AAMDC: variants seen among roughly 807,000 people sequenced by gnomAD.
The protein encoded by AAMDC is adipogenesis associated Mth938 domain containing.
Under a neutral mutation model 15.5 loss-of-function variants are expected in AAMDC, and 16 were observed. The ratio of observed to expected loss-of-function variants is 1.03; its 90% confidence interval spans 0.70 to 1.57. The LOEUF (loss-of-function observed/expected upper bound fraction) is 1.57, where lower values mean the gene tolerates loss of function less well. Among genes scored for constraint, AAMDC ranks in the 40% most tolerant of loss-of-function variants. AAMDC has a pLI of 0.00. For synonymous variants in AAMDC, 51 were observed against 51.6 expected (o/e 0.99, Z 0.05); for missense variants, 141 against 144.9 (o/e 0.97, Z 0.14).
At chr11:77,878,690 A>G (rs1330825539) in intron 5 of AAMDC, 2 of 685,126 alleles carry the variant, frequency 2.9e-6, no homozygotes, top group African/African-American at 1.8e-5. Context: ...AGCCACACGC[A>G]TTTCTTTACA....
At chr11:77,893,242 T>C (rs1388544356) in intron 5 of AAMDC, among the ~76,000 whole-genome samples, 2 of 152,242 alleles carry the variant, frequency 1.3e-5, no homozygotes, top group Non-Finnish European at 2.9e-5. Flanking sequence ...AAAATACATG[T>C]ATTCTACAAA....
rs551413410 is a variant in AAMDC at position 77,855,646 on chromosome 11, C to T, written c.132+13018C>T. Among the ~76,000 whole-genome samples the T allele has an allele frequency of 2.0e-3, 306 of 151,492 alleles. 2 individuals carry two copies. The highest frequency in any genetic ancestry group is 4.4e-4 in the Non-Finnish European group (30 of 67,846). The stretch of plus-strand genomic sequence containing the variant: ...GCCTGGCCTTTTTTTTCTTTTATGC[C>T]ACATGACCAGGCTGCAAATTTTTCA... On this transcript the variant is annotated intron_variant, in intron 2 of 3. Transcript: ENST00000393427.
chr11:77,871,213 A>T (rs1951417389), intron 3 of AAMDC, among the ~76,000 whole-genome samples: 1 of 152,222 alleles, frequency 6.6e-6, no homozygotes, highest in Non-Finnish European at 1.5e-5. Flanking sequence ...AGGGCATATT[A>T]AAAAATATTT....
At chr11:77,871,269 A>T (rs1951419149) in intron 3 of AAMDC, among the ~76,000 whole-genome samples, 1 of 152,328 alleles carries the variant, frequency 6.6e-6, no homozygotes, top group South Asian at 2.1e-4. Context: ...ATCTATTTTT[A>T]AAAAATATTC....
intron 2 of AAMDC, among the ~76,000 whole-genome samples, chr11:77,849,059 T>TG (rs1440054114): frequency 6.6e-6 from 1 of 150,504 alleles, no homozygotes; most frequent in African/African-American, 2.4e-5. Context: ...TTTTTAAAGA[T>TG]GGGGTCTCAC....
intron 1 of AAMDC, among the ~76,000 whole-genome samples, chr11:77,821,804 G>A (rs949033050): frequency 2.0e-5 from 3 of 152,268 alleles, no homozygotes; most frequent in African/African-American, 7.2e-5. Context: ...TGTGCAGCCT[G>A]AGAAGCAGCA....
intron 5 of AAMDC, among the ~76,000 whole-genome samples, chr11:77,894,636 G>C (rs1350463943): frequency 2.0e-5 from 3 of 152,198 alleles, no homozygotes; most frequent in Non-Finnish European, 4.4e-5. Flanking sequence ...CAGGAGAGAA[G>C]CATAGCATGT....
intron 5 of AAMDC, chr11:77,883,907 C>T: frequency 1.2e-6 from 2 of 1,613,120 alleles, no homozygotes; most frequent in Non-Finnish European, 1.7e-6. Flanking sequence ...CGGAAGTCTG[C>T]AGGCTTGGGG....
chr11:77,821,651 C>T (rs1387087021), intron 1 of AAMDC, among the ~76,000 whole-genome samples: 1 of 151,600 alleles, frequency 6.6e-6, no homozygotes, highest in South Asian at 2.1e-4. Flanking sequence ...GCTGGGACTC[C>T]ATTGAGAGGC....
At chr11:77,871,666 T>C (rs992029659) in intron 3 of AAMDC, among the ~76,000 whole-genome samples, 19 of 152,170 alleles carry the variant, frequency 1.2e-4, no homozygotes, top group African/African-American at 4.6e-4. Context: ...CTGGGAGACT[T>C]TAAAGAGCTA....
At chr11:77,904,171 C>T (rs1453492629), downstream of AAMDC, among the ~76,000 whole-genome samples, 2 of 152,222 alleles carry the variant, frequency 1.3e-5, no homozygotes, top group Non-Finnish European at 2.9e-5. Flanking sequence ...TCTCTCCTCA[C>T]CTATCCATCC....
At chr11:77,862,631 G>A (rs1254649821) in intron 2 of AAMDC, among the ~76,000 whole-genome samples, 1 of 152,200 alleles carries the variant, frequency 6.6e-6, no homozygotes, top group Non-Finnish European at 1.5e-5. Context: ...CCGGAGTAGG[G>A]AGGTAGACTC....
At chr11:77,832,783 T>C (rs138348855) in intron 1 of AAMDC, among the ~76,000 whole-genome samples, 37 of 151,832 alleles carry the variant, frequency 2.4e-4, no homozygotes, top group Non-Finnish European at 4.1e-4. Flanking sequence ...TATAGTGATG[T>C]TGTCAAAGAA....
downstream of AAMDC, among the ~76,000 whole-genome samples, chr11:77,904,090 C>G (rs1952865708): frequency 6.6e-6 from 1 of 152,152 alleles, no homozygotes; most frequent in African/African-American, 2.4e-5. Flanking sequence ...AGCAGCTTTC[C>G]TAGATTTCTC....
At chr11:77,885,164 G>A (rs1236975150) in intron 5 of AAMDC, among the ~76,000 whole-genome samples, 1 of 151,416 alleles carries the variant, frequency 6.6e-6, no homozygotes, top group Non-Finnish European at 1.5e-5. Flanking sequence ...TGCAACCTCC[G>A]CCTCCCGGGT....
At chr11:77,891,881 C>G (rs973674893) in intron 5 of AAMDC, 2 of 1,609,700 alleles carry the variant, frequency 1.2e-6, no homozygotes, top group African/African-American at 2.7e-5. Context: ...TTCAACTGTG[C>G]ACTCATTCAC....
chr11:77,844,772 C>G (rs1346229478), intron 2 of AAMDC, among the ~76,000 whole-genome samples: 3 of 152,008 alleles, frequency 2.0e-5, no homozygotes, highest in African/African-American at 7.2e-5. Flanking sequence ...TTGGGTTTTT[C>G]TTTGTCGTTA....
rs34851335 is a variant in AAMDC, at chr11:77,838,615, C to CTTTT, written c.-18-3848_-18-3845dup. On this transcript the variant is annotated intron_variant, in intron 1 of 3. Transcript: ENST00000393427. Reference sequence around the variant, plus strand: ...GGATAACCCTGACTGATACAAGTACCTTTTTTTTTTTTTTTTTTTGAGACA... The same window carrying CTTTT: ...GGATAACCCTGACTGATACAAGTACCTTTTTTTTTTTTTTTTTTTTTTTGAGACA... Among the ~76,000 whole-genome samples the CTTTT allele has an allele frequency of 1.3e-3, 171 of 129,328 alleles. 4 individuals carry two copies. The highest frequency in any genetic ancestry group is 2.9e-3 in the South Asian group (12 of 4,158). 84.8% of individuals were successfully genotyped at this position (129,328 alleles called of 152,430 possible).
chr11:77,901,670 A>G, downstream of AAMDC: 1 of 745,384 alleles, frequency 1.3e-6, no homozygotes, highest in Non-Finnish European at 2.2e-6. Flanking sequence ...TTACATCCTT[A>G]TGCTTTTAAG....
Sources: gnomAD v4.1 joint callset for allele counts (sites outside exome capture counted in the v4.1 genomes callset) on GRCh38, gnomAD v4.1.1 for gene constraint, MANE v1.5 for transcripts, NCBI Gene and HGNC (gene_info 2026-07-23, HGNC 2026-07-21) for gene names.